The following ZNF610 variants were observed in gnomAD, a reference collection of about 807,000 sequenced individuals.
ZNF610 encodes the protein zinc finger protein 610, also known as zink finger protein.
In ZNF610, 14 loss-of-function variants were observed where a neutral mutation model predicts 14.1. That is an observed-to-expected ratio of 0.99 (90% CI 0.65 to 1.55). The LOEUF (loss-of-function observed/expected upper bound fraction) is 1.55. Among genes scored for constraint, ZNF610 ranks in the 40% most tolerant of loss-of-function variants. ZNF610 has a pLI of 0.00. For missense variants in ZNF610, 530 were observed against 558.0 expected (o/e 0.95, Z 0.51); for synonymous variants, 185 against 187.6 (o/e 0.99, Z 0.11).
upstream of ZNF610, among the ~76,000 whole-genome samples, chr19:52,334,936 A>ACACACACACACAC (rs1984299564): frequency 1.2e-4 from 5 of 41,614 alleles, no homozygotes; most frequent in South Asian, 8.4e-4. Flanking sequence ...CTCAAAAACA[A>ACACACACACACAC]ACACACACAC....
At chr19:52,340,707 G>A (rs910762803) in intron 1 of ZNF610, among the ~76,000 whole-genome samples, 2 of 151,796 alleles carry the variant, frequency 1.3e-5, no homozygotes, top group African/African-American at 4.8e-5. Context: ...TTGAGACGGA[G>A]TCTCACTGTG....
intron 1 of ZNF610, among the ~76,000 whole-genome samples, chr19:52,338,466 C>G (rs532445625): frequency 2.0e-5 from 3 of 152,288 alleles, no homozygotes; most frequent in African/African-American, 7.2e-5. Context: ...GGCAGATCCA[C>G]TTAAGGTCAG....
Position 52,349,138 on chromosome 19 carries a change from T to C in ZNF610, c.-19-16T>C, listed in dbSNP as rs1600233206. ...TGTTGATTCCGAGCAGTAATCAGTG[T>C]ATTTTTGACATTTAGGATTGACTTA... On this transcript the variant is annotated splice_polypyrimidine_tract_variant and intron_variant, in intron 2 of 5. Transcript: ENST00000403906. 2.5e-6 allele frequency: 4 copies of C among 1,594,078 alleles called. No individual in the cohort carries two copies. Among genetic ancestry groups the C allele is most frequent in the African/African-American group, 2.7e-5 (2 of 74,578 alleles).
chr19:52,361,450 TACA>T, intron 5 of ZNF610, among the ~76,000 whole-genome samples: 1 of 152,254 alleles, frequency 6.6e-6, no homozygotes, highest in African/African-American at 2.4e-5. Flanking sequence ...TTGCTGGGAT[TACA>T]GGCGTGAGCC....
At chr19:52,331,298 A>C (rs1380645357), upstream of ZNF610, among the ~76,000 whole-genome samples, 1 of 152,208 alleles carries the variant, frequency 6.6e-6, no homozygotes, top group Non-Finnish European at 1.5e-5. Flanking sequence ...GGAAAACATC[A>C]GACAAATCCC....
At position 52,366,044 on chromosome 19, in the gene ZNF610, T is replaced by C; in HGVS notation, c.666T>C (p.His222=). 1.2e-6 allele frequency: 2 copies of C among 1,614,080 alleles called. No individual in the cohort carries two copies. Among genetic ancestry groups the C allele is most frequent in the South Asian group, 2.2e-5 (2 of 91,028 alleles). ...VFRVRASLTN[H]QVIHTAEKPY... ...GAGTCCGTGCAAGCCTTACTAACCATCAAGTAATCCATACTGCAGAGAAAC... is the reference window on the plus strand; with the variant it reads ...GAGTCCGTGCAAGCCTTACTAACCACCAAGTAATCCATACTGCAGAGAAAC... Residue 222 remains histidine, a synonymous_variant, in exon 6 of 6, where the codon CAT becomes CAC. Coordinates refer to ENST00000403906, the MANE Select transcript of ZNF610 (RefSeq NM_001161425.2).
intron 1 of ZNF610, among the ~76,000 whole-genome samples, chr19:52,337,977 C>T (rs1984462399): frequency 6.6e-6 from 1 of 151,844 alleles, no homozygotes. Context: ...TAGTGAACAC[C>T]CAACACAGAA....
chr19:52,341,498 C>T (rs1046017107), intron 1 of ZNF610, among the ~76,000 whole-genome samples: 3 of 151,938 alleles, frequency 2.0e-5, no homozygotes, highest in Non-Finnish European at 2.9e-5. Context: ...TTAGTAGAGA[C>T]GGGGTTTCAC....
intron 1 of ZNF610, among the ~76,000 whole-genome samples, chr19:52,338,081 A>G (rs566726885): frequency 7.2e-5 from 11 of 152,228 alleles, no homozygotes; most frequent in Non-Finnish European, 1.6e-4. Flanking sequence ...AATTTAACTC[A>G]ATTTCACACT....
At chr19:52,350,546 T>C (rs1241385990) in intron 3 of ZNF610, among the ~76,000 whole-genome samples, 1 of 152,028 alleles carries the variant, frequency 6.6e-6, no homozygotes, top group East Asian at 1.9e-4. Context: ...GGCTTGGTGG[T>C]GGGCACCTGT....
upstream of ZNF610, among the ~76,000 whole-genome samples, chr19:52,335,437 C>T (rs1162789042): frequency 1.3e-5 from 2 of 152,216 alleles, no homozygotes; most frequent in Non-Finnish European, 2.9e-5. Flanking sequence ...TGCCTTGGGC[C>T]AGGTAAATAC....
intron 5 of ZNF610, among the ~76,000 whole-genome samples, chr19:52,357,971 G>A (rs1299583597): frequency 1.1e-4 from 17 of 152,192 alleles, no homozygotes; most frequent in Admixed American, 1.3e-4. Context: ...TGTCAGCCTC[G>A]GGGTGTTCAG....
At chr19:52,339,386 A>C (rs1001301146) in intron 1 of ZNF610, among the ~76,000 whole-genome samples, 6 of 151,958 alleles carry the variant, frequency 3.9e-5, no homozygotes, top group African/African-American at 9.7e-5. Flanking sequence ...TCACATGGGG[A>C]GAAACCTTGG....
chr19:52,352,011 C>G (rs1985278730), intron 3 of ZNF610, among the ~76,000 whole-genome samples: 2 of 152,298 alleles, frequency 1.3e-5, no homozygotes, highest in South Asian at 4.1e-4. Flanking sequence ...GCCAATTGGT[C>G]TGTGTACTGT....
At chr19:52,353,200 G>A (rs1320442020) in intron 3 of ZNF610, among the ~76,000 whole-genome samples, 1 of 152,254 alleles carries the variant, frequency 6.6e-6, no homozygotes, top group Non-Finnish European at 1.5e-5. Flanking sequence ...TCGGCCTCCC[G>A]AAGTGCTGGA....
At chr19:52,347,490 T>C (rs1225733735) in intron 1 of ZNF610, among the ~76,000 whole-genome samples, 1 of 152,238 alleles carries the variant, frequency 6.6e-6, no homozygotes. Flanking sequence ...AAATATTTTT[T>C]ATGTTAGTGT....
the ZNF610 span, among the ~76,000 whole-genome samples, chr19:52,331,040 A>G: frequency 6.6e-6 from 1 of 152,168 alleles, no homozygotes; most frequent in African/African-American, 2.4e-5. Context: ...GAATACACAT[A>G]ACTCCCAACT....
chr19:52,355,663 G>C (rs914870985), intron 5 of ZNF610, among the ~76,000 whole-genome samples: 2 of 152,232 alleles, frequency 1.3e-5, no homozygotes, highest in African/African-American at 4.8e-5. Flanking sequence ...CTTTCTGTCT[G>C]ACCAACACAG....
intron 2 of ZNF610, chr19:52,348,335 CT>C (rs1985065094): frequency 6.6e-6 from 1 of 152,114 alleles, no homozygotes; most frequent in African/African-American, 2.4e-5. Flanking sequence ...TTTATAAATG[CT>C]ATGTAGTTGT....
Sources: gnomAD v4.1 joint callset for allele counts (sites outside exome capture counted in the v4.1 genomes callset) on GRCh38, gnomAD v4.1.1 for gene constraint, MANE v1.5 for transcripts, NCBI Gene and HGNC (gene_info 2026-07-23, HGNC 2026-07-21) for gene names.